SESN3: variants seen among roughly 807,000 people sequenced by gnomAD.
SESN3 encodes sestrin-3.
Under a neutral mutation model 55.3 loss-of-function variants are expected in SESN3, and 21 were observed. The observed-to-expected ratio is 0.38, with a 90% CI of 0.27 to 0.55. The LOEUF (loss-of-function observed/expected upper bound fraction) is 0.55, where lower values mean the gene tolerates loss of function less well. Among genes scored for constraint, SESN3 ranks in the 20% least tolerant of loss-of-function variants. The pLI is 0.76. For missense variants in SESN3, 408 were observed against 604.3 expected (o/e 0.68, Z 3.41); for synonymous variants, 181 against 203.1 (o/e 0.89, Z 0.93).
intron 4 of SESN3, among the ~76,000 whole-genome samples, chr11:95,186,032 G>C (rs1432825714): frequency 6.6e-6 from 1 of 151,912 alleles, no homozygotes; most frequent in East Asian, 1.9e-4. Flanking sequence ...TTCATATTCT[G>C]TATTTCACTT....
intron 3 of SESN3, among the ~76,000 whole-genome samples, 191 bp downstream of exon 3, chr11:95,191,213 G>A (rs543908082): frequency 1.4e-4 from 22 of 152,180 alleles, no homozygotes; most frequent in African/African-American, 5.3e-4. Flanking sequence ...AACATTCAGT[G>A]CATTAAGTGG....
chr11:95,219,744 CAT>C (rs1860824312), intron 1 of SESN3, among the ~76,000 whole-genome samples: 1 of 136,884 alleles, frequency 7.3e-6, no homozygotes, highest in Non-Finnish European at 1.6e-5. Flanking sequence ...TTGGAGTAAA[CAT>C]ATTGAAAAAT....
intron 1 of SESN3, among the ~76,000 whole-genome samples, chr11:95,203,557 C>T (rs1860495793): frequency 1.3e-5 from 2 of 151,938 alleles, no homozygotes; most frequent in African/African-American, 2.4e-5. Context: ...TCATTTTTAC[C>T]TGGAATAGAA....
intron 6 of SESN3, among the ~76,000 whole-genome samples, chr11:95,182,495 A>C (rs893649368): frequency 6.6e-6 from 1 of 152,116 alleles, no homozygotes; most frequent in Non-Finnish European, 1.5e-5. Context: ...AGTGGCTTGC[A>C]TACTAGCAGC....
chr11:95,208,063 A>G (rs1316551000), intron 1 of SESN3, among the ~76,000 whole-genome samples: 2 of 145,376 alleles, frequency 1.4e-5, no homozygotes, highest in East Asian at 4.0e-4. Context: ...TGTCAGGATT[A>G]TGGTATTCAA....
intron 4 of SESN3, among the ~76,000 whole-genome samples, chr11:95,188,289 A>G (rs1431381479): frequency 6.6e-6 from 1 of 151,608 alleles, no homozygotes. Context: ...TATTTTATAT[A>G]GAATATTTAT....
chr11:95,209,219 T>C (rs1172721516), intron 1 of SESN3, among the ~76,000 whole-genome samples: 1 of 150,904 alleles, frequency 6.6e-6, no homozygotes, highest in African/African-American at 2.4e-5. Flanking sequence ...TAAACAAATG[T>C]ACAAGAAAAA....
chr11:95,198,232 T>C (rs545847668), intron 1 of SESN3, among the ~76,000 whole-genome samples: 1 of 152,204 alleles, frequency 6.6e-6, no homozygotes, highest in Non-Finnish European at 1.5e-5. Context: ...AATTCTAGAC[T>C]GTAGCTTACC....
At chr11:95,187,218 A>G (rs189699140) in intron 4 of SESN3, among the ~76,000 whole-genome samples, 1 of 151,934 alleles carries the variant, frequency 6.6e-6, no homozygotes, top group Admixed American at 6.6e-5. Flanking sequence ...TTATTTTAGA[A>G]ACATTTCCTA....
Position 95,231,190 on chromosome 11 carries a change from A to G in SESN3, c.-330T>C, listed in dbSNP as rs1247207291. On this transcript the variant is annotated 5_prime_UTR_variant, in exon 1 of 10. Transcript: ENST00000536441. ...CTGCCACCGCCACCACCGCCGCCGC[A>G]GCGCCTCAGTGCGGCCCCGCCTCCG... The G allele has an allele frequency of 1.0e-5, 2 of 200,914 alleles. No individual in the cohort carries two copies. Among genetic ancestry groups the G allele is most frequent in the Non-Finnish European group, 1.9e-5 (2 of 106,188 alleles). 12.4% of individuals were successfully genotyped at this position (200,914 alleles called of 1,614,324 possible).
chr11:95,191,612 A>C lies in SESN3; in HGVS notation c.145-11T>G. On this transcript the variant is annotated splice_polypyrimidine_tract_variant and intron_variant, in intron 2 of 9. Transcript: ENST00000536441. Reference sequence around the variant, plus strand: ...GTTTGCTTGGACAACCTTATAACCAAAAAAAACAAAACAAAATGACTATTG... The same window carrying C: ...GTTTGCTTGGACAACCTTATAACCACAAAAAACAAAACAAAATGACTATTG... 1 of 1,608,280 alleles carries C rather than the reference A, an allele frequency of 6.2e-7. No individual in the cohort carries two copies. Among genetic ancestry groups the C allele is most frequent in the African/African-American group, 1.3e-5 (1 of 74,756 alleles).
At chr11:95,231,214 C>G, upstream of SESN3, 1 of 407,814 alleles carries the variant, frequency 2.5e-6, no homozygotes, top group Non-Finnish European at 4.3e-6. Flanking sequence ...GCCCCGCCTC[C>G]GCCGCCCCAC....
At chr11:95,182,684 G>A (rs996866321) in intron 6 of SESN3, among the ~76,000 whole-genome samples, 3 of 152,188 alleles carry the variant, frequency 2.0e-5, no homozygotes, top group Admixed American at 6.5e-5. Flanking sequence ...TACTCAAAAT[G>A]TCCAAAATAC....
chr11:95,216,538 A>G (rs1860759957), intron 1 of SESN3, among the ~76,000 whole-genome samples: 1 of 152,198 alleles, frequency 6.6e-6, no homozygotes, highest in East Asian at 1.9e-4. Context: ...ATTCTAGGTA[A>G]TTTCTTATTC....
chr11:95,182,695 G>A (rs1343113805), intron 6 of SESN3, among the ~76,000 whole-genome samples: 2 of 152,070 alleles, frequency 1.3e-5, no homozygotes, highest in South Asian at 2.1e-4. Context: ...TCCAAAATAC[G>A]GTAGGTTACA....
intron 1 of SESN3, among the ~76,000 whole-genome samples, chr11:95,196,459 T>G (rs530155964): frequency 7.0e-6 from 1 of 143,558 alleles, no homozygotes; most frequent in African/African-American, 2.5e-5. Flanking sequence ...AAAGATTGAT[T>G]TTTTTTTTTT....
chr11:95,195,452 C>A (rs1022871487), intron 1 of SESN3, among the ~76,000 whole-genome samples: 1 of 152,086 alleles, frequency 6.6e-6, no homozygotes, highest in Non-Finnish European at 1.5e-5. Flanking sequence ...ATTTAGCAAA[C>A]ATTAATTGAG....
chr11:95,227,549 C>T (rs112231502), intron 1 of SESN3, among the ~76,000 whole-genome samples: 200 of 152,084 alleles, frequency 1.3e-3, no homozygotes, highest in African/African-American at 4.7e-3. Flanking sequence ...GTTTATAAAA[C>T]CATCAAAAAG....
At chr11:95,232,170 T>G (rs1861083305), upstream of SESN3, 1 of 152,222 alleles carries the variant, frequency 6.6e-6, no homozygotes, top group Admixed American at 6.5e-5. Context: ...TTCTAAAGCT[T>G]AAAATGGTAA....
Sources: gnomAD v4.1 joint callset for allele counts (sites outside exome capture counted in the v4.1 genomes callset) on GRCh38, gnomAD v4.1.1 for gene constraint, MANE v1.5 for transcripts, NCBI Gene and HGNC (gene_info 2026-07-23, HGNC 2026-07-21) for gene names.